Variants in FBXL17 observed in about 807,000 individuals in gnomAD.
FBXL17 encodes the protein F-box and leucine rich repeat protein 17.
In FBXL17, 22 loss-of-function variants were observed where a neutral mutation model predicts 66.2. That is an observed-to-expected ratio of 0.33 (90% CI 0.24 to 0.47). FBXL17 has a LOEUF of 0.47. Among genes scored for constraint, FBXL17 ranks in the 20% least tolerant of loss-of-function variants. The probability of loss-of-function intolerance (pLI) is 1.00; values close to 1 mark genes in which losing one functional copy is unlikely to be tolerated. For synonymous variants in FBXL17, 474 were observed against 400.5 expected, an observed-to-expected ratio of 1.18 and a Z score of -2.19; for missense variants, 878 against 948.2, an observed-to-expected ratio of 0.93 and a Z score of 0.97.
At chr5:107,990,759 T>A (rs1380090473) in intron 7 of FBXL17, among the ~76,000 whole-genome samples, 1 of 152,132 alleles carries the variant, frequency 6.6e-6, no homozygotes, top group Non-Finnish European at 1.5e-5. Flanking sequence ...CAACAGAAGA[T>A]GCAAACAGAA....
rs371896099 is a variant in FBXL17 at position 107,913,940 on chromosome 5, T to C, written c.1823-32761A>G. Among the ~76,000 whole-genome samples the C allele has an allele frequency of 1.1e-4, 16 of 149,930 alleles. No individual in the cohort carries two copies. The East Asian group carries it at 2.4e-3, about 22-fold the overall frequency. ...ATATTATGTAGACAGGCAGGAAAAA[T>C]AAAGGGGAAAGACTTTAGGTTTCAT... On this transcript the variant is annotated intron_variant, in intron 7 of 8. Transcript: ENST00000542267.
At chr5:107,885,522 T>C (rs1040887366) in intron 7 of FBXL17, among the ~76,000 whole-genome samples, 40 of 152,292 alleles carry the variant, frequency 2.6e-4, no homozygotes, top group African/African-American at 9.4e-4. Context: ...TATCCATACA[T>C]AGGAGAGTGC....
chr5:108,369,481 A>AT (rs1748890342), intron 1 of FBXL17, among the ~76,000 whole-genome samples: 1 of 152,144 alleles, frequency 6.6e-6, no homozygotes, highest in Non-Finnish European at 1.5e-5. Flanking sequence ...CTCTTCAAAT[A>AT]TTTTACAGAG....
intron 4 of FBXL17, among the ~76,000 whole-genome samples, chr5:108,306,291 A>C (rs1758838074): frequency 6.6e-6 from 1 of 152,108 alleles, no homozygotes; most frequent in African/African-American, 2.4e-5. Context: ...AACGCTGGTG[A>C]TTATGCATTT....
chr5:108,061,142 C>T (rs571814033), intron 6 of FBXL17, among the ~76,000 whole-genome samples: 1 of 152,114 alleles, frequency 6.6e-6, no homozygotes, highest in Non-Finnish European at 1.5e-5. Context: ...CAAAAATTAG[C>T]CAGGCATAGT....
At chr5:108,079,702 T>C (rs1748692296) in intron 6 of FBXL17, among the ~76,000 whole-genome samples, 1 of 152,226 alleles carries the variant, frequency 6.6e-6, no homozygotes, top group Non-Finnish European at 1.5e-5. Flanking sequence ...ATTGTATGGT[T>C]ATTTTGTGGG....
intron 7 of FBXL17, among the ~76,000 whole-genome samples, chr5:107,919,292 A>T (rs1410532676): frequency 1.3e-5 from 2 of 152,112 alleles, no homozygotes; most frequent in African/African-American, 4.8e-5. Context: ...TCCGCTTTCC[A>T]TCGATCCAGG....
intron 7 of FBXL17, among the ~76,000 whole-genome samples, chr5:107,936,554 A>ATTCTTTTGTCCTACTT (rs58144302): frequency 1 from 152,050 of 152,154 alleles, 75,973 homozygotes; most frequent in Middle Eastern, 1. Context: ...TTTAACAACT[A>ATTCTTTTGTCCTACTT]TTCTTGAATT....
At chr5:108,097,936 G>T (rs1385352731) in intron 6 of FBXL17, among the ~76,000 whole-genome samples, 1 of 151,376 alleles carries the variant, frequency 6.6e-6, no homozygotes, top group Non-Finnish European at 1.5e-5. Context: ...ATTTTATATT[G>T]TCTAACAGGT....
chr5:108,017,142 C>A (rs1754420108), intron 7 of FBXL17, among the ~76,000 whole-genome samples: 1 of 152,026 alleles, frequency 6.6e-6, no homozygotes, highest in Non-Finnish European at 1.5e-5. Flanking sequence ...TATTTGCTGA[C>A]AAATTGTTCC....
At chr5:108,026,602 A>G (rs1754835273) in intron 6 of FBXL17, among the ~76,000 whole-genome samples, 1 of 152,220 alleles carries the variant, frequency 6.6e-6, no homozygotes. Flanking sequence ...TTAATATACC[A>G]CAGGGGCAAA....
chr5:108,167,075 A>T lies in FBXL17; in HGVS notation c.1745+19042T>A, dbSNP rs553871896. ...AAGTAGAGATCATTGTGTTTTTTTT[A>T]AATCTCTATTATGAATTTGAATGCA... On this transcript the variant is annotated intron_variant, in intron 6 of 8. Coordinates refer to ENST00000542267, the MANE Select transcript of FBXL17 (RefSeq NM_001163315.3). Among the ~76,000 whole-genome samples, 70 of 152,192 alleles carry T rather than the reference A, an allele frequency of 4.6e-4. 1 individual carries two copies. The highest frequency in any genetic ancestry group is 1.6e-3 in the African/African-American group (67 of 41,548).
At chr5:108,129,722 C>T (rs529327924) in intron 6 of FBXL17, among the ~76,000 whole-genome samples, 1 of 151,816 alleles carries the variant, frequency 6.6e-6, no homozygotes, top group African/African-American at 2.4e-5. Context: ...AATTCATTAC[C>T]ACAATAGATT....
At chr5:108,011,996 A>C (rs2416522) in intron 7 of FBXL17, among the ~76,000 whole-genome samples, 64,480 of 152,088 alleles carry the variant, frequency 0.42, 14,756 homozygotes, top group East Asian at 0.6. Flanking sequence ...AGCTACTATG[A>C]AAGTATCTCA....
At chr5:108,356,897 T>C (rs1345014146) in intron 3 of FBXL17, among the ~76,000 whole-genome samples, 1 of 152,032 alleles carries the variant, frequency 6.6e-6, no homozygotes, top group Non-Finnish European at 1.5e-5. Context: ...ATACTGATAA[T>C]GGGAGGGGCT....
In FBXL17 at chr5:108,186,210, G is replaced by C. The variant is rs202201260; in HGVS notation, c.1652C>G (p.Thr551Ser). The C allele has an allele frequency of 4.3e-6, 7 of 1,612,710 alleles. No individual in the cohort carries two copies. The highest frequency in any genetic ancestry group is 5.9e-6 in the Non-Finnish European group (7 of 1,179,080). ...NLSSLDLRHI[T>S]ELDNETVMEI... ...CATCACGGTTTCATTATCCAGTTCAGTGATATGACGTAGGTCCAAGCTGGA... is the reference window on the plus strand; with the variant it reads ...CATCACGGTTTCATTATCCAGTTCACTGATATGACGTAGGTCCAAGCTGGA... The change falls in exon 6 of 9, where the codon ACT (threonine) becomes AGT (serine). Residue 551 changes from threonine to serine, a missense_variant. Transcript: ENST00000542267.
chr5:107,887,364 A>G (rs1367126055), intron 7 of FBXL17, among the ~76,000 whole-genome samples: 1 of 152,186 alleles, frequency 6.6e-6, no homozygotes, highest in Non-Finnish European at 1.5e-5. Flanking sequence ...TCCTCAATAG[A>G]AGGAAGATTA....
At chr5:107,913,638 T>G (rs182942697) in intron 7 of FBXL17, among the ~76,000 whole-genome samples, 3 of 152,008 alleles carry the variant, frequency 2.0e-5, no homozygotes, top group African/African-American at 4.8e-5. Flanking sequence ...ATCCTGGAGA[T>G]GAGGGGTGGA....
chr5:107,924,629 C>T lies in FBXL17; in HGVS notation c.1823-43450G>A, dbSNP rs1212752568. On this transcript the variant is annotated intron_variant, in intron 7 of 8. Transcript: ENST00000542267. ...ATTCTCTTTTTGTCATATTCACTAT[C>T]AATGTACCCAGCATCTTTATACTCT... Among the ~76,000 whole-genome samples the T allele has an allele frequency of 2.6e-5, 4 of 152,290 alleles. No homozygotes were observed. In the East Asian group the frequency reaches 7.7e-4, roughly 29 times the overall value.
Sources: allele counts gnomAD v4.1 joint callset (sites outside exome capture counted in the v4.1 genomes callset), GRCh38; gene constraint gnomAD v4.1.1; transcripts MANE v1.5; gene names NCBI Gene and HGNC (gene_info 2026-07-23, HGNC 2026-07-21).